EBF2: variants seen among roughly 807,000 people sequenced by gnomAD.
The protein encoded by EBF2 is EBF transcription factor 2, also known as transcription factor COE2.
EBF2 carries 21 observed loss-of-function variants against 72.8 expected under a neutral mutation model. The observed-to-expected ratio is 0.29, with a 90% CI of 0.20 to 0.42. The LOEUF (loss-of-function observed/expected upper bound fraction) is 0.42, where lower values mean the gene tolerates loss of function less well. Ranked by LOEUF, EBF2 falls within the 10% of genes least tolerant of loss-of-function variation. EBF2 has a pLI of 1.00. For missense variants in EBF2, 637 were observed against 731.2 expected, an observed-to-expected ratio of 0.87 and a Z score of 1.49; for synonymous variants, 299 against 274.2, an observed-to-expected ratio of 1.09 and a Z score of -0.89.
At chr8:26,034,686 C>T (rs1439332515) in intron 5 of EBF2, among the ~76,000 whole-genome samples, 2 of 152,212 alleles carry the variant, frequency 1.3e-5, no homozygotes, top group African/African-American at 4.8e-5. Context: ...ACATGGTCCA[C>T]TATCAACTAT....
intron 6 of EBF2, among the ~76,000 whole-genome samples, chr8:25,985,338 T>C (rs992839642): frequency 1.3e-5 from 2 of 152,144 alleles, no homozygotes; most frequent in Admixed American, 1.3e-4. Context: ...GATATCCACA[T>C]AAAATTTCCC....
At chr8:25,906,673 A>G (rs765487449) in intron 7 of EBF2, among the ~76,000 whole-genome samples, 1 of 152,118 alleles carries the variant, frequency 6.6e-6, no homozygotes, top group Non-Finnish European at 1.5e-5. Context: ...AGGGTGAGGC[A>G]GGAGAATTGC....
In EBF2 at chr8:25,936,916, CA is replaced by C. The variant is rs201156263; in HGVS notation, c.552-28362del. 2.9e-3 allele frequency among the ~76,000 whole-genome samples: 439 copies of C among 152,202 alleles called. 3 individuals are homozygous for C. Among genetic ancestry groups the C allele is most frequent in the Admixed American group, 0.026 (393 of 15,276 alleles). ...AAATCCCTTAAAAAGCAACAGATAC[CA>C]CACACAGTATAGTTCTTCTCCACTT... On this transcript the variant is annotated intron_variant, in intron 6 of 15. Transcript: ENST00000520164.
chr8:26,006,459 C>T lies in EBF2; in HGVS notation c.551+26626G>A, dbSNP rs183179624. Reference sequence around the variant, plus strand: ...CATTCTTCTCTTACGAAATAGATTGCTCAGGTCTTTGCTATTCTAGATAAT... The same window carrying T: ...CATTCTTCTCTTACGAAATAGATTGTTCAGGTCTTTGCTATTCTAGATAAT... On this transcript the variant is annotated intron_variant, in intron 6 of 15. Transcript: ENST00000520164. Among the ~76,000 whole-genome samples the T allele has an allele frequency of 2.5e-3, 379 of 152,292 alleles. 2 individuals carry two copies. The highest frequency in any genetic ancestry group is 3.7e-3 in the Non-Finnish European group (253 of 68,030).
At chr8:25,922,965 A>AG (rs1803329426) in intron 6 of EBF2, among the ~76,000 whole-genome samples, 1 of 151,990 alleles carries the variant, frequency 6.6e-6, no homozygotes, top group African/African-American at 2.4e-5. Context: ...AAAAAAAAAA[A>AG]AAAATTCATC....
chr8:25,949,674 A>G (rs1428866512), intron 6 of EBF2, among the ~76,000 whole-genome samples: 1 of 152,182 alleles, frequency 6.6e-6, no homozygotes. Flanking sequence ...CTTCATTATC[A>G]GGAAAAAAAC....
chr8:26,042,100 C>T lies in EBF2; in HGVS notation c.283G>A (p.Asp95Asn). ...RTAFVDFVEN[D>N]KEQGNEKTNN... ...GGGGGGTACTTTCCGCTTACTTTGT[C>T]ATTCTCCACAAAGTCCACGAAGGCC... The change falls in exon 2 of 16, where the codon GAC becomes AAC. Residue 95 changes from aspartate to asparagine, a missense_variant. Asp to Asn is a conservative substitution (Grantham distance 23). Transcript: ENST00000520164. 6.2e-7 allele frequency: 1 copy of T among 1,613,534 alleles called. No individual in the cohort carries two copies. Among genetic ancestry groups the T allele is most frequent in the Non-Finnish European group, 8.5e-7 (1 of 1,179,532 alleles).
chr8:25,996,913 G>C (rs996776495), intron 6 of EBF2, among the ~76,000 whole-genome samples: 8 of 152,136 alleles, frequency 5.3e-5, no homozygotes, highest in African/African-American at 1.9e-4. Context: ...ATAATCATGT[G>C]CTAATAAGTA....
chr8:25,847,573 T>C (rs1438418521), intron 15 of EBF2, among the ~76,000 whole-genome samples: 1 of 152,160 alleles, frequency 6.6e-6, no homozygotes, highest in South Asian at 2.1e-4. Flanking sequence ...TCTGTTACCT[T>C]GCCTAGTTCT....
At chr8:25,995,381 T>A (rs1423779712) in intron 6 of EBF2, among the ~76,000 whole-genome samples, 1 of 152,008 alleles carries the variant, frequency 6.6e-6, no homozygotes, top group African/African-American at 2.4e-5. Context: ...AACATATTTA[T>A]ACAAAAATAC....
At chr8:25,981,518 T>C (rs1804360570) in intron 6 of EBF2, among the ~76,000 whole-genome samples, 1 of 152,048 alleles carries the variant, frequency 6.6e-6, no homozygotes, top group African/African-American at 2.4e-5. Context: ...TAAAAACCTG[T>C]GGAAGGCCCG....
chr8:26,041,126 C>A, intron 2 of EBF2, 124 bp from the exon 3 acceptor site: 2 of 1,098,612 alleles, frequency 1.8e-6, no homozygotes, highest in Non-Finnish European at 2.7e-6. Context: ...GAGTAACCCC[C>A]TGTTCAGCCC....
chr8:26,039,835 T>C (rs1328707695), intron 5 of EBF2, among the ~76,000 whole-genome samples, 193 bp downstream of exon 5: 2 of 152,072 alleles, frequency 1.3e-5, no homozygotes. Flanking sequence ...TCGTTCTGAG[T>C]CCCAATGGTT....
chr8:25,947,917 G>T (rs141468178), intron 6 of EBF2, among the ~76,000 whole-genome samples: 1 of 152,218 alleles, frequency 6.6e-6, no homozygotes, highest in African/African-American at 2.4e-5. Flanking sequence ...TGTCATTTTT[G>T]GTTCCTTGTC....
chr8:25,969,376 T>A (rs1804158535), intron 6 of EBF2, among the ~76,000 whole-genome samples: 1 of 152,212 alleles, frequency 6.6e-6, no homozygotes, highest in South Asian at 2.1e-4. Flanking sequence ...ATCACCTGTT[T>A]CAGAAAATAG....
chr8:25,923,626 C>A (rs987532020), intron 6 of EBF2, among the ~76,000 whole-genome samples: 1 of 152,152 alleles, frequency 6.6e-6, no homozygotes, highest in Non-Finnish European at 1.5e-5. Flanking sequence ...CTAAACTGAT[C>A]AAAAGGTGTT....
At chr8:26,002,884 AGGCG>A (rs1206986230) in intron 6 of EBF2, among the ~76,000 whole-genome samples, 1,331 of 99,150 alleles carry the variant, frequency 0.013, 35 homozygotes, top group African/African-American at 0.032. Context: ...GCAGGCGGGC[AGGCG>A]GGCAGGCAGG....
intron 6 of EBF2, among the ~76,000 whole-genome samples, chr8:25,968,268 T>C (rs62499104): frequency 0.027 from 4,073 of 152,138 alleles, 53 homozygotes; most frequent in Middle Eastern, 0.095. Flanking sequence ...CATTGCCAAA[T>C]GGTAGAAGCA....
intron 7 of EBF2, among the ~76,000 whole-genome samples, chr8:25,903,190 T>G (rs1802983071): frequency 6.6e-6 from 1 of 150,862 alleles, no homozygotes; most frequent in Non-Finnish European, 1.5e-5. Flanking sequence ...TGTCTGGGTT[T>G]TTTTTTTTTT....
Sources: gnomAD v4.1 joint callset for allele counts (sites outside exome capture counted in the v4.1 genomes callset) on GRCh38, gnomAD v4.1.1 for gene constraint, MANE v1.5 for transcripts, NCBI Gene and HGNC (gene_info 2026-07-23, HGNC 2026-07-21) for gene names.